CEP83: variants seen among roughly 807,000 people sequenced by gnomAD.
CEP83 encodes the protein centrosomal protein of 83 kDa.
Under a neutral mutation model 101.9 loss-of-function variants are expected in CEP83, and 70 were observed. That is an observed-to-expected ratio of 0.69 (90% CI 0.57 to 0.84). CEP83 has a LOEUF of 0.84. Ranked by LOEUF, CEP83 falls within the 40% of genes least tolerant of loss-of-function variation. CEP83 has a pLI of 0.00. For missense variants in CEP83, 715 were observed against 787.2 expected (o/e 0.91, Z 1.10); for synonymous variants, 264 against 267.9 (o/e 0.99, Z 0.14).
chr12:94,389,892 C>T (rs377208756), intron 6 of CEP83, among the ~76,000 whole-genome samples: 2 of 152,160 alleles, frequency 1.3e-5, no homozygotes, highest in East Asian at 1.9e-4. Context: ...GATCGAACTG[C>T]GAGGCGGCAC....
chr12:94,392,674 C>A (rs1253388393), intron 6 of CEP83, among the ~76,000 whole-genome samples: 2 of 152,014 alleles, frequency 1.3e-5, no homozygotes, highest in African/African-American at 4.8e-5. Context: ...ACACAAAGAA[C>A]CCTTCAAAAA....
At chr12:94,327,232 A>G (rs1317423903) in intron 14 of CEP83, among the ~76,000 whole-genome samples, 1 of 152,232 alleles carries the variant, frequency 6.6e-6, no homozygotes, top group Non-Finnish European at 1.5e-5. Context: ...CAATATAGAT[A>G]TAAGAATTAA....
At chr12:94,363,631 G>C (rs1270905219) in intron 11 of CEP83, among the ~76,000 whole-genome samples, 1 of 152,088 alleles carries the variant, frequency 6.6e-6, no homozygotes, top group Non-Finnish European at 1.5e-5. Context: ...ATGTAGAACT[G>C]AAATATTATT....
At position 94,375,871 on chromosome 12, in the gene CEP83, C is replaced by T. The variant is rs1395140983; in HGVS notation, c.933+15G>A. The T allele has an allele frequency of 7.3e-7, 1 of 1,371,292 alleles. No homozygotes were observed. The highest frequency in any genetic ancestry group is 9.8e-7 in the Non-Finnish European group (1 of 1,021,258). 84.9% of individuals were successfully genotyped at this position (1,371,292 alleles called of 1,614,324 possible). ...AACATTCTAAAGAATGAAACAGAAA[C>T]ATAAAACAACTTACTTTACTGGACA... On this transcript the variant is annotated intron_variant, in intron 8 of 16. Transcript: ENST00000397809.
intron 6 of CEP83, among the ~76,000 whole-genome samples, chr12:94,389,967 G>A (rs1248207960): frequency 2.0e-5 from 3 of 152,222 alleles, no homozygotes; most frequent in East Asian, 1.9e-4. Flanking sequence ...CGGCCAGGAA[G>A]CTCGAACTGG....
intron 11 of CEP83, among the ~76,000 whole-genome samples, chr12:94,359,506 A>T (rs750867623): frequency 7.9e-5 from 12 of 152,314 alleles, no homozygotes; most frequent in Admixed American, 4.6e-4. Context: ...GAGCAACTGT[A>T]GGACAACAAA....
intron 4 of CEP83, among the ~76,000 whole-genome samples, chr12:94,408,844 G>C (rs1326797842): frequency 6.6e-6 from 1 of 152,050 alleles, no homozygotes; most frequent in South Asian, 2.1e-4. Flanking sequence ...GCCTCCTGAA[G>C]TTCTCAAGGT....
chr12:94,306,216 G>C (rs1247096938), downstream of CEP83: 5 of 150,820 alleles, frequency 3.3e-5, no homozygotes, highest in African/African-American at 1.2e-4. Context: ...ATGAATACTT[G>C]TGTGTGATTT....
rs117421332 is a variant in CEP83, at chr12:94,309,705, A to T, written c.2001+213T>A. 7.9e-4 allele frequency among the ~76,000 whole-genome samples: 120 copies of T among 152,328 alleles called. 1 individual carries two copies. The East Asian group carries it at 0.022, about 28-fold the overall frequency. On this transcript the variant is annotated intron_variant, in intron 16 of 16. Coordinates refer to ENST00000397809, the MANE Select transcript of CEP83 (RefSeq NM_016122.3). Reference sequence around the variant, plus strand: ...GTAAGAGATTTCACTCTCAGCACCAACACTAAAGGATCATGATTCAAACTG... The same window carrying T: ...GTAAGAGATTTCACTCTCAGCACCATCACTAAAGGATCATGATTCAAACTG...
intron 6 of CEP83, among the ~76,000 whole-genome samples, chr12:94,391,732 C>A (rs2062551177): frequency 6.6e-6 from 1 of 151,886 alleles, no homozygotes; most frequent in Non-Finnish European, 1.5e-5. Context: ...TTCAGGAGAC[C>A]CATCTCACGT....
chr12:94,370,543 A>AT (rs1371281534), intron 8 of CEP83, among the ~76,000 whole-genome samples: 1 of 152,016 alleles, frequency 6.6e-6, no homozygotes, highest in Admixed American at 6.5e-5. Flanking sequence ...CACTCAGATA[A>AT]TTTTTCAATT....
intron 1 of CEP83, among the ~76,000 whole-genome samples, chr12:94,448,435 CTT>C (rs894880556): frequency 6.6e-6 from 1 of 152,120 alleles, no homozygotes; most frequent in Non-Finnish European, 1.5e-5. Context: ...CATCAATAAA[CTT>C]GACATAACTG....
intron 14 of CEP83, among the ~76,000 whole-genome samples, chr12:94,327,588 A>G (rs932487825): frequency 6.6e-6 from 1 of 152,204 alleles, no homozygotes; most frequent in African/African-American, 2.4e-5. Flanking sequence ...CCTATCTGAC[A>G]TGTGTTTTTT....
chr12:94,375,887 T>G lies in CEP83; in HGVS notation c.932A>C (p.Lys311Thr), dbSNP rs375493761. The G allele has an allele frequency of 1.9e-5, 28 of 1,454,884 alleles. No homozygotes were observed. Among genetic ancestry groups the G allele is most frequent in the Non-Finnish European group, 2.3e-5 (25 of 1,076,202 alleles). The allele number at this position is 1,454,884 out of a possible 1,614,324, so 90.1% of individuals were successfully genotyped here. A position where few individuals can be genotyped will look rare whatever the true frequency, so the allele number is the denominator to read the frequency against. The change falls in exon 8 of 17, where the codon AAA becomes ACA. Residue 311 changes from lysine (K) to threonine (T), a missense_variant and splice_region_variant. By Grantham distance (78) the Lys-to-Thr change is moderately conservative. Transcript: ENST00000397809. Reference sequence around the variant, plus strand: ...AAACAGAAACATAAAACAACTTACTTTACTGGACAATGTATTTATTTCTCG... The same window carrying G: ...AAACAGAAACATAAAACAACTTACTGTACTGGACAATGTATTTATTTCTCG... ...AEREINTLSSKVKELKHSNKL... is the reference protein window; with the variant it reads ...AEREINTLSSTVKELKHSNKL...
In CEP83 at chr12:94,333,419, A is replaced by G. The variant is rs2059321311; in HGVS notation, c.1577+63T>C. 5.0e-6 allele frequency: 7 copies of G among 1,404,388 alleles called. No individual in the cohort carries two copies. The South Asian group carries it at 9.1e-5, about 18-fold the overall frequency. The allele number at this position is 1,404,388 out of a possible 1,614,324, so 87.0% of individuals were successfully genotyped here. A position where few individuals can be genotyped will look rare whatever the true frequency, so the allele number is the denominator to read the frequency against. On this transcript the variant is annotated intron_variant, in intron 13 of 16. Transcript: ENST00000397809. The stretch of plus-strand genomic sequence containing the variant: ...TATAATCAACATTGGAATCATTACT[A>G]AAATAAGTACATGTTATATAGAAAA...
the CEP83 span, among the ~76,000 whole-genome samples, chr12:94,286,490 C>T: frequency 6.6e-6 from 1 of 151,968 alleles, no homozygotes; most frequent in African/African-American, 2.4e-5. Flanking sequence ...TTGCTTTTAC[C>T]CTTTTGTTAA....
In CEP83 at chr12:94,347,383, T is replaced by C. The variant is rs538500750; in HGVS notation, c.1344-11719A>G. ...TTACAACATATCCAATTAGAATTAT[T>C]ATTAAGACTGAAAATAACAAGTGTC... On this transcript the variant is annotated intron_variant, in intron 11 of 16. Coordinates refer to ENST00000397809, the MANE Select transcript of CEP83 (RefSeq NM_016122.3). Among the ~76,000 whole-genome samples, 13 of 152,224 alleles carry C rather than the reference T, an allele frequency of 8.5e-5. No homozygotes were observed. In the South Asian group the frequency reaches 1.0e-3, roughly 12 times the overall value.
the CEP83 span, among the ~76,000 whole-genome samples, chr12:94,278,997 C>CAAA: frequency 2.9e-4 from 44 of 149,368 alleles, no homozygotes; most frequent in South Asian, 1.3e-3. Flanking sequence ...GACTCCATCT[C>CAAA]AAAAAAAAAA....
At chr12:94,285,392 G>C in the CEP83 span, among the ~76,000 whole-genome samples, 3 of 152,222 alleles carry the variant, frequency 2.0e-5, no homozygotes, top group African/African-American at 7.2e-5. Flanking sequence ...GGGTCACCCA[G>C]TTTGAAAGTG....
Sources: allele counts gnomAD v4.1 joint callset (sites outside exome capture counted in the v4.1 genomes callset), GRCh38; gene constraint gnomAD v4.1.1; transcripts MANE v1.5; gene names NCBI Gene and HGNC (gene_info 2026-07-23, HGNC 2026-07-21).